Variants in FNIP2 observed in about 807,000 individuals in gnomAD.
The protein encoded by FNIP2 is folliculin-interacting protein 2.
Under a neutral mutation model 108.7 loss-of-function variants are expected in FNIP2, and 32 were observed. That is an observed-to-expected ratio of 0.29 (90% confidence interval 0.22 to 0.40). The LOEUF is 0.40. Among genes scored for constraint, FNIP2 ranks in the 10% least tolerant of loss-of-function variants. FNIP2 has a pLI of 1.00. For synonymous variants in FNIP2, 480 were observed against 496.7 expected, an observed-to-expected ratio of 0.97 and a Z score of 0.45; for missense variants, 1,202 against 1,381.6, an observed-to-expected ratio of 0.87 and a Z score of 2.06.
At chr4:158,815,564 A>T (rs571010218) in intron 1 of FNIP2, among the ~76,000 whole-genome samples, 1 of 151,500 alleles carries the variant, frequency 6.6e-6, no homozygotes, top group African/African-American at 2.4e-5. Flanking sequence ...ACGGGGTTTC[A>T]CGTGTTAGCC....
At chr4:158,854,336 C>G (rs1356943435) in intron 8 of FNIP2, among the ~76,000 whole-genome samples, 1 of 152,242 alleles carries the variant, frequency 6.6e-6, no homozygotes, top group African/African-American at 2.4e-5. Flanking sequence ...CCTCTCTCCT[C>G]TCCCCTATCA....
chr4:158,835,072 A>C (rs968090119), intron 6 of FNIP2: 1 of 161,292 alleles, frequency 6.2e-6, no homozygotes, highest in African/African-American at 2.4e-5. Flanking sequence ...AAATGGCTAA[A>C]AAAAATTACC....
At chr4:158,903,477 G>A (rs1729536246) in intron 16 of FNIP2, among the ~76,000 whole-genome samples, 1 of 152,110 alleles carries the variant, frequency 6.6e-6, no homozygotes, top group African/African-American at 2.4e-5. Flanking sequence ...ACATTTCAAG[G>A]GCTTTACCCC....
At chr4:158,867,195 T>G (rs1560814480) in intron 12 of FNIP2, among the ~76,000 whole-genome samples, 1 of 152,038 alleles carries the variant, frequency 6.6e-6, no homozygotes, top group East Asian at 1.9e-4. Context: ...TTGAATTTTC[T>G]TTTCTGTTTT....
intron 2 of FNIP2, among the ~76,000 whole-genome samples, chr4:158,828,614 CACAA>C (rs1181550900): frequency 6.6e-5 from 10 of 152,192 alleles, no homozygotes; most frequent in East Asian, 1.9e-4. Flanking sequence ...GACTCCATCT[CACAA>C]ACAAACAAAC....
intron 3 of FNIP2, among the ~76,000 whole-genome samples, chr4:158,831,534 A>G (rs966812465): frequency 3.3e-5 from 5 of 152,194 alleles, no homozygotes; most frequent in African/African-American, 7.2e-5. Context: ...AGTTATTTTC[A>G]TAATTTAATC....
chr4:158,866,218 A>ATTTTTTTTTTTTTTTTTT (rs1261545921), intron 12 of FNIP2, among the ~76,000 whole-genome samples: 1 of 12,356 alleles, frequency 8.1e-5, no homozygotes, highest in African/African-American at 1.9e-4. Context: ...TATTCTGGTT[A>ATTTTTTTTTTTTTTTTTT]TTCTTTTTTT....
At chr4:158,827,500 G>T (rs1282589975) in intron 2 of FNIP2, among the ~76,000 whole-genome samples, 1 of 152,190 alleles carries the variant, frequency 6.6e-6, no homozygotes, top group Non-Finnish European at 1.5e-5. Context: ...GAGGTTTGTA[G>T]CTTGCCCAAG....
chr4:158,893,865 A>G (rs1184254188), intron 15 of FNIP2: 3 of 565,018 alleles, frequency 5.3e-6, no homozygotes, highest in Non-Finnish European at 9.3e-6. Flanking sequence ...AATTCTTTTT[A>G]CTTCCTTTGG....
At chr4:158,791,007 G>A (rs1029187061) in intron 1 of FNIP2, among the ~76,000 whole-genome samples, 1 of 151,924 alleles carries the variant, frequency 6.6e-6, no homozygotes, top group Non-Finnish European at 1.5e-5. Context: ...TAAATACCAG[G>A]CTATCATGAT....
intron 8 of FNIP2, 58 bp from the exon 9 acceptor site, chr4:158,858,999 G>T: frequency 7.1e-7 from 1 of 1,403,462 alleles, no homozygotes; most frequent in Non-Finnish European, 1.0e-6. Context: ...CATTACAGTT[G>T]ACCTTCAGTG....
intron 12 of FNIP2, among the ~76,000 whole-genome samples, chr4:158,866,717 A>G (rs138845290): frequency 1.8e-3 from 276 of 151,946 alleles, no homozygotes; most frequent in Middle Eastern, 6.8e-3. Context: ...CTGGGATTAC[A>G]GGTGTCTGCC....
At chr4:158,821,879 G>A (rs1169018417) in intron 1 of FNIP2, among the ~76,000 whole-genome samples, 1 of 152,158 alleles carries the variant, frequency 6.6e-6, no homozygotes, top group Non-Finnish European at 1.5e-5. Flanking sequence ...CCTGAGCTCA[G>A]GAGTTTGAGA....
chr4:158,872,480 C>A, intron 14 of FNIP2: 1 of 985,360 alleles, frequency 1.0e-6, no homozygotes, highest in Non-Finnish European at 1.2e-6. Flanking sequence ...ATGCAATCAC[C>A]CTGAGAGATC....
At chr4:158,773,474 A>C (rs533661517) in intron 1 of FNIP2, among the ~76,000 whole-genome samples, 2 of 152,234 alleles carry the variant, frequency 1.3e-5, no homozygotes, top group African/African-American at 4.8e-5. Flanking sequence ...CAGCTTTGTC[A>C]TTTGTAAAGT....
Position 158,816,778 on chromosome 4 carries a change from C to G in FNIP2, c.108-9138C>G, listed in dbSNP as rs1383031279. ...CCTGCCTGGGAGACAGAGTGAGACTCTGTCTCAAAAAAAAAAAAAAAAATT... is the reference window on the plus strand; with the variant it reads ...CCTGCCTGGGAGACAGAGTGAGACTGTGTCTCAAAAAAAAAAAAAAAAATT... On this transcript the variant is annotated intron_variant, in intron 1 of 16. Transcript: ENST00000264433. Among the ~76,000 whole-genome samples the G allele has an allele frequency of 2.4e-5, 3 of 122,626 alleles. No individual in the cohort carries two copies. The East Asian group carries it at 6.3e-4, about 26-fold the overall frequency. The allele number at this position is 122,626 out of a possible 152,430, so 80.4% of individuals were successfully genotyped here. A position where few individuals can be genotyped will look rare whatever the true frequency, so the allele number is the denominator to read the frequency against.
intron 14 of FNIP2, among the ~76,000 whole-genome samples, chr4:158,873,060 C>T (rs1443449970): frequency 1.3e-5 from 2 of 151,190 alleles, no homozygotes; most frequent in Non-Finnish European, 2.9e-5. Flanking sequence ...TTTGAGAGGC[C>T]AAGGTGGGTA....
chr4:158,882,966 CTG>C (rs1781773728), intron 14 of FNIP2, among the ~76,000 whole-genome samples: 1 of 151,468 alleles, frequency 6.6e-6, no homozygotes, highest in East Asian at 1.9e-4. Flanking sequence ...AAATCCCCCT[CTG>C]TGAGAAACAC....
rs1729641148 is a variant in FNIP2 at position 158,904,373 on chromosome 4, CTAGAAATAATACTTTCTCATAAA to C, written c.3267-92_3267-70del. 11 of 1,141,662 alleles carry C rather than the reference CTAGAAATAATACTTTCTCATAAA, an allele frequency of 9.6e-6. No homozygotes were observed. The South Asian group carries it at 1.3e-4, about 13-fold the overall frequency. The allele number at this position is 1,141,662 out of a possible 1,614,324, so 70.7% of individuals were successfully genotyped here. On this transcript the variant is annotated intron_variant, in intron 16 of 16. Coordinates refer to ENST00000264433, the MANE Select transcript of FNIP2 (RefSeq NM_020840.3). ...AATGATAATCTATCAAACTTAGTACCTAGAAATAATACTTTCTCATAAAAAGAAATAATACTTTCTCATAAAAC... is the reference window on the plus strand; with the variant it reads ...AATGATAATCTATCAAACTTAGTACCAAGAAATAATACTTTCTCATAAAAC...
Sources: allele counts gnomAD v4.1 joint callset (sites outside exome capture counted in the v4.1 genomes callset), GRCh38; gene constraint gnomAD v4.1.1; transcripts MANE v1.5; gene names NCBI Gene and HGNC (gene_info 2026-07-23, HGNC 2026-07-21).